The following CNOT10 variants were observed in gnomAD, a reference collection of about 807,000 sequenced individuals.
CNOT10 encodes the protein CCR4-NOT transcription complex, subunit 10.
In CNOT10, 30 loss-of-function variants were observed where a neutral mutation model predicts 94.6. The ratio of observed to expected loss-of-function variants is 0.32; its 90% CI spans 0.24 to 0.43. CNOT10 has a LOEUF of 0.43. Among genes scored for constraint, CNOT10 ranks in the 20% least tolerant of loss-of-function variants. The pLI is 1.00. For missense variants in CNOT10, 759 were observed against 877.2 expected (o/e 0.87, Z 1.70); for synonymous variants, 289 against 301.6 (o/e 0.96, Z 0.43).
chr3:32,737,476 A>T lies in CNOT10; in HGVS notation c.1581A>T (p.Glu527Asp), dbSNP rs1699239891. The T allele has an allele frequency of 1.2e-6, 2 of 1,607,030 alleles. No homozygotes were observed. The highest frequency in any genetic ancestry group is 2.7e-5 in the African/African-American group (2 of 74,746). The change falls in exon 13 of 19, where the codon GAA becomes GAT. Residue 527 changes from glutamate (E) to aspartate (D), a missense_variant. Around this residue, in one of 3 missense-constraint regions of CNOT10, gnomAD observed 682 missense variants for 799.4 expected, o/e 0.85. Transcript: ENST00000328834. ...CTTCTTCTCCATTGAGAAAACAGGA[A>T]TTAGAAAACTTAAAGTGAGTATCTA... ...APPSSPLRKQELENLKCSILA... is the reference protein window; with the variant it reads ...APPSSPLRKQDLENLKCSILA...
intron 3 of CNOT10, among the ~76,000 whole-genome samples, chr3:32,706,456 T>C (rs1697628100): frequency 6.6e-6 from 1 of 152,226 alleles, no homozygotes; most frequent in South Asian, 2.1e-4. Flanking sequence ...TTCCTAGAAG[T>C]GTTTGTACTT....
rs142151473 is a variant in CNOT10 at position 32,714,656 on chromosome 3, C to G, written c.573+1287C>G. 5.2e-3 allele frequency among the ~76,000 whole-genome samples: 795 copies of G among 152,224 alleles called. 6 individuals carry two copies. The highest frequency in any genetic ancestry group is 0.018 in the African/African-American group (731 of 41,534). On this transcript the variant is annotated intron_variant, in intron 5 of 18. Coordinates refer to ENST00000328834, the MANE Select transcript of CNOT10 (RefSeq NM_015442.3). ...ACTGGGAGGCGGAGATTGCAGTGAG[C>G]CAAGATTACGCCACTGCACTCCAGC...
At chr3:32,754,490 A>AATATATC (rs1700128247) in intron 13 of CNOT10, among the ~76,000 whole-genome samples, 1 of 25,178 alleles carries the variant, frequency 4.0e-5, no homozygotes. Context: ...AAAAAAAAAA[A>AATATATC]TACATATATA....
intron 5 of CNOT10, among the ~76,000 whole-genome samples, chr3:32,713,920 G>A (rs1032153950): frequency 7.9e-5 from 12 of 152,146 alleles, no homozygotes; most frequent in South Asian, 2.1e-4. Context: ...ATCAGTTGGT[G>A]GACATTTGGG....
At chr3:32,758,459 G>A (rs529455321) in intron 13 of CNOT10, among the ~76,000 whole-genome samples, 2 of 152,272 alleles carry the variant, frequency 1.3e-5, no homozygotes, top group African/African-American at 4.8e-5. Context: ...TATAGGAAGA[G>A]CCATTTCTAG....
At chr3:32,699,673 G>C (rs1697242019) in intron 1 of CNOT10, among the ~76,000 whole-genome samples, 1 of 152,162 alleles carries the variant, frequency 6.6e-6, no homozygotes, top group Non-Finnish European at 1.5e-5. Flanking sequence ...GAAAGTGGAG[G>C]CTACTATGAC....
chr3:32,734,848 C>T lies in CNOT10; in HGVS notation c.1386C>T (p.Ala462=), dbSNP rs1699109161. 1 of 1,613,824 alleles carries T rather than the reference C, an allele frequency of 6.2e-7. No individual in the cohort carries two copies. The highest frequency in any genetic ancestry group is 8.5e-7 in the Non-Finnish European group (1 of 1,179,928). The change falls in exon 12 of 19, where the codon GCC becomes GCT. Residue 462 remains alanine, a synonymous_variant. Coordinates refer to ENST00000328834, the MANE Select transcript of CNOT10 (RefSeq NM_015442.3). ...CTGTAGCCAGTATGGAGTTTGCAGC[C>T]ATATGTCTCAGAAATGCCTTGTTGC... ...AIPVASMEFA[A]ICLRNALLLL... is the part of the protein sequence containing the mutation.
At chr3:32,760,278 T>G (rs1009028954) in intron 14 of CNOT10, among the ~76,000 whole-genome samples, 1 of 152,160 alleles carries the variant, frequency 6.6e-6, no homozygotes, top group African/African-American at 2.4e-5. Flanking sequence ...TACTTCTTCA[T>G]TAATATCATT....
chr3:32,721,438 T>TA (rs1254670538), intron 8 of CNOT10, among the ~76,000 whole-genome samples: 6 of 138,728 alleles, frequency 4.3e-5, no homozygotes, highest in African/African-American at 1.6e-4. Context: ...TCTTTTTTTT[T>TA]TTTTTTTTTT....
At chr3:32,758,021 T>C (rs1484194280) in intron 13 of CNOT10, among the ~76,000 whole-genome samples, 1 of 152,312 alleles carries the variant, frequency 6.6e-6, no homozygotes, top group East Asian at 1.9e-4. Flanking sequence ...CTTAGAAAAT[T>C]ATAATGTACA....
At chr3:32,692,288 G>T (rs1280455162) in intron 1 of CNOT10, among the ~76,000 whole-genome samples, 2 of 152,138 alleles carry the variant, frequency 1.3e-5, no homozygotes, top group East Asian at 3.9e-4. Flanking sequence ...TAGGCACAGG[G>T]TCCCAATATA....
chr3:32,760,826 G>GA (rs1553638795), intron 14 of CNOT10, among the ~76,000 whole-genome samples: 1 of 145,596 alleles, frequency 6.9e-6, no homozygotes, highest in African/African-American at 2.5e-5. Context: ...TAGTGTTTTT[G>GA]TTTTTTTTTT....
chr3:32,690,457 T>C (rs997382863), intron 1 of CNOT10, among the ~76,000 whole-genome samples: 3 of 152,200 alleles, frequency 2.0e-5, no homozygotes, highest in African/African-American at 7.2e-5. Flanking sequence ...CCATCATAGC[T>C]CACTGCAGCC....
At position 32,752,807 on chromosome 3, in the gene CNOT10, C is replaced by T. The variant is rs146460173; in HGVS notation, c.1596-6651C>T. 3.4e-3 allele frequency: 738 copies of T among 218,544 alleles called. 4 individuals carry two copies. The highest frequency in any genetic ancestry group is 4.6e-3 in the South Asian group (65 of 14,190). The allele number at this position is 218,544 out of a possible 1,614,324, so 13.5% of individuals were successfully genotyped here. On this transcript the variant is annotated intron_variant, in intron 13 of 18. Coordinates refer to ENST00000328834, the MANE Select transcript of CNOT10 (RefSeq NM_015442.3). The stretch of plus-strand genomic sequence containing the variant: ...CCTGACCAACATGGAGAAACCCCTT[C>T]TCTACTAAAAATACAAAAATTGAGA...
At chr3:32,715,981 A>T in intron 5 of CNOT10, 1 of 321,230 alleles carries the variant, frequency 3.1e-6, no homozygotes, top group Non-Finnish European at 5.7e-6. Flanking sequence ...TAATTTTTGT[A>T]TTTTTTGTAG....
chr3:32,741,555 G>A (rs950194761), intron 13 of CNOT10, among the ~76,000 whole-genome samples: 10 of 152,002 alleles, frequency 6.6e-5, no homozygotes, highest in African/African-American at 1.9e-4. Flanking sequence ...GGATCACGAG[G>A]TCAGGAGTTC....
rs188649464 is a variant in CNOT10, at chr3:32,708,761, G to A, written c.371G>A (p.Arg124Gln). 2.2e-5 allele frequency: 35 copies of A among 1,613,376 alleles called. No individual in the cohort carries two copies. Among genetic ancestry groups the A allele is most frequent in the Admixed American group, 1.0e-4 (6 of 59,914 alleles). ...CAAGCAGTCATTCTTTATCATCTGC[G>A]GCAGTATACAGAAGCCATATCAGTT... ...YNQAVILYHL[R>Q]QYTEAISVGE... is the part of the protein sequence containing the mutation. Residue 124 changes from arginine (R) to glutamine (Q), a missense_variant, in exon 4 of 19, where the codon CGG becomes CAG. Arg to Gln is a conservative substitution (Grantham distance 43, BLOSUM62 1). This residue lies in a region of CNOT10 where 682 missense variants were observed against 799.4 expected (regional missense o/e 0.85). Coordinates refer to ENST00000328834, the MANE Select transcript of CNOT10 (RefSeq NM_015442.3).
chr3:32,719,022 A>G (rs569599916), intron 7 of CNOT10, among the ~76,000 whole-genome samples: 1 of 152,300 alleles, frequency 6.6e-6, no homozygotes, highest in East Asian at 1.9e-4. Context: ...AGGCTGAGGC[A>G]GGCGGATCCC....
intron 13 of CNOT10, among the ~76,000 whole-genome samples, chr3:32,754,487 A>ATATATATATAT (rs1296898874): frequency 1.9e-4 from 12 of 62,712 alleles, no homozygotes; most frequent in Non-Finnish European, 2.0e-4. Context: ...AAAAAAAAAA[A>ATATATATATAT]AAATACATAT....
Sources: allele counts gnomAD v4.1 joint callset (sites outside exome capture counted in the v4.1 genomes callset), GRCh38; gene constraint gnomAD v4.1.1; regional missense constraint gnomAD v4.1.1; transcripts MANE v1.5; gene names NCBI Gene and HGNC (gene_info 2026-07-23, HGNC 2026-07-21).